The following CACNA1A variants were observed in gnomAD, a reference collection of about 807,000 sequenced individuals.
CACNA1A encodes calcium voltage-gated channel subunit alpha1 A, also known as voltage-dependent P/Q-type calcium channel subunit alpha-1A.
In CACNA1A, 57 loss-of-function variants were observed where a neutral mutation model predicts 262.4. That is an observed-to-expected ratio of 0.22 (90% CI 0.18 to 0.27). The LOEUF is 0.27. Ranked by LOEUF, CACNA1A falls within the 10% of genes least tolerant of loss-of-function variation. The pLI, the probability that CACNA1A is intolerant of heterozygous loss-of-function variation, is 1.00. For missense variants in CACNA1A, 2,526 were observed against 3,562.8 expected, an observed-to-expected ratio of 0.71 and a Z score of 7.41; for synonymous variants, 1,431 against 1,419.3, an observed-to-expected ratio of 1.01 and a Z score of -0.18.
chr19:13,235,855 G>A (rs2055855458), intron 31 of CACNA1A, 125 bp from the exon 32 acceptor site: 1 of 632,912 alleles, frequency 1.6e-6, no homozygotes, highest in African/African-American at 1.8e-5. Flanking sequence ...CCCCAAATAA[G>A]GAGGGAGAGA....
intron 1 of CACNA1A, among the ~76,000 whole-genome samples, chr19:13,493,494 GA>G: frequency 6.6e-6 from 1 of 152,334 alleles, no homozygotes; most frequent in Non-Finnish European, 1.5e-5. Flanking sequence ...CCCCTTGGGG[GA>G]AAAATTGCTC....
intron 6 of CACNA1A, among the ~76,000 whole-genome samples, chr19:13,350,364 G>T (rs1046131789): frequency 2.0e-5 from 3 of 152,140 alleles, no homozygotes; most frequent in Non-Finnish European, 4.4e-5. Context: ...ACTGCGGAAG[G>T]CACTGGCAAG....
At chr19:13,497,330 C>G (rs1311196977) in intron 1 of CACNA1A, among the ~76,000 whole-genome samples, 1 of 149,430 alleles carries the variant, frequency 6.7e-6, no homozygotes, top group African/African-American at 2.5e-5. Context: ...CTTACAGCAG[C>G]ATTGTTCATA....
At chr19:13,474,589 C>T (rs960805208) in intron 1 of CACNA1A, among the ~76,000 whole-genome samples, 31 of 152,240 alleles carry the variant, frequency 2.0e-4, no homozygotes, top group South Asian at 1.0e-3. Flanking sequence ...GAGGCCAAGG[C>T]GGGCGGATCA....
intron 3 of CACNA1A, among the ~76,000 whole-genome samples, chr19:13,381,539 T>C (rs1448351349): frequency 2.0e-5 from 3 of 152,026 alleles, no homozygotes; most frequent in Admixed American, 6.6e-5. Flanking sequence ...TGCAGAGAAA[T>C]AGACATTTGA....
intron 43 of CACNA1A, 76 bp from the exon 44 acceptor site, chr19:13,210,728 G>A (rs2054781447): frequency 2.2e-6 from 3 of 1,353,396 alleles, no homozygotes; most frequent in Non-Finnish European, 3.1e-6. Context: ...AAGAGGGAGA[G>A]TGAGGAGGTG....
chr19:13,249,425 G>A (rs996126065), intron 30 of CACNA1A, among the ~76,000 whole-genome samples: 1 of 151,846 alleles, frequency 6.6e-6, no homozygotes, highest in Non-Finnish European at 1.5e-5. Flanking sequence ...GCTCAATCAC[G>A]ACTCACTGCA....
Position 13,214,744 on chromosome 19 carries a change from G to A in CACNA1A, c.5732-136C>T, listed in dbSNP as rs1023891020. 7 of 691,706 alleles carry A rather than the reference G, an allele frequency of 1.0e-5. No individual in the cohort carries two copies. Among genetic ancestry groups the A allele is most frequent in the African/African-American group, 3.6e-5 (2 of 56,330 alleles). 42.8% of individuals were successfully genotyped at this position (691,706 alleles called of 1,614,324 possible). On this transcript the variant is annotated intron_variant, in intron 38 of 46. Coordinates refer to ENST00000360228, the MANE Select transcript of CACNA1A (RefSeq NM_001127222.2). The surrounding 1 kb of genome is among the most constrained non-coding windows in gnomAD (Gnocchi z 4.1). ...CCCATGGGGTCTCCAGTTCCCCAACGGCCTGGCCCAGAGGAGGCCCTGGGC... is the reference window on the plus strand; with the variant it reads ...CCCATGGGGTCTCCAGTTCCCCAACAGCCTGGCCCAGAGGAGGCCCTGGGC...
chr19:13,373,914 T>C (rs954551123), intron 3 of CACNA1A, among the ~76,000 whole-genome samples: 2 of 152,148 alleles, frequency 1.3e-5, no homozygotes, highest in African/African-American at 2.4e-5. Flanking sequence ...ATGCACACAA[T>C]GAGTGAATCT....
At chr19:13,255,059 G>T in intron 29 of CACNA1A, 36 bp downstream of exon 29, 1 of 1,609,038 alleles carries the variant, frequency 6.2e-7, no homozygotes. Context: ...CGAGGTGGGG[G>T]TTAAGTAGTG....
Position 13,209,365 on chromosome 19 carries a change from C to A in CACNA1A, c.6473G>T (p.Arg2158Leu). 7.2e-7 allele frequency: 1 copy of A among 1,385,464 alleles called. No individual in the cohort carries two copies. Among genetic ancestry groups the A allele is most frequent in the Non-Finnish European group, 9.4e-7 (1 of 1,065,098 alleles). The allele number at this position is 1,385,464 out of a possible 1,614,324, so 85.8% of individuals were successfully genotyped here. Residue 2158 changes from arginine to leucine, a missense_variant, in exon 45 of 47, where the codon CGC becomes CTC. By Grantham distance (102) the Arg-to-Leu change is moderately radical (BLOSUM62 -2). Coordinates refer to ENST00000360228, the MANE Select transcript of CACNA1A (RefSeq NM_001127222.2). ...GGAGCGCTCAGAGGCGCGGTGGCTG[C>A]GGTCGCGGCGCCGCTGGTGGTGCCG... is the stretch of plus-strand genomic sequence containing the variant. ...NQRHHQRRRDRSHRASERSLG... is the reference protein window; with the variant it reads ...NQRHHQRRRDLSHRASERSLG...
chr19:13,486,941 C>T (rs1413850757), intron 1 of CACNA1A, among the ~76,000 whole-genome samples: 1 of 152,152 alleles, frequency 6.6e-6, no homozygotes, highest in African/African-American at 2.4e-5. Context: ...TTTCTTTTAA[C>T]ACTTATTTAT....
At chr19:13,231,674 G>A in intron 35 of CACNA1A, 36 bp downstream of exon 35, 1 of 1,592,826 alleles carries the variant, frequency 6.3e-7, no homozygotes. Context: ...CAGGCTTAGG[G>A]AGCCCAGACG....
chr19:13,427,942 G>GTTTTT (rs1311890494), intron 3 of CACNA1A, among the ~76,000 whole-genome samples: 8 of 151,050 alleles, frequency 5.3e-5, no homozygotes, highest in African/African-American at 2.0e-4. Context: ...ATAATAACAG[G>GTTTTT]TTGTTTTTTT....
chr19:13,359,242 G>T (rs2059060063), intron 6 of CACNA1A, among the ~76,000 whole-genome samples: 1 of 152,156 alleles, frequency 6.6e-6, no homozygotes, highest in African/African-American at 2.4e-5. Flanking sequence ...TGAGCCTCAG[G>T]GCAGGGACCC....
At chr19:13,359,944 C>G (rs544646664) in intron 5 of CACNA1A, 145 bp from the exon 6 acceptor site, 10 of 435,418 alleles carry the variant, frequency 2.3e-5, no homozygotes, top group African/African-American at 1.4e-4. Context: ...CAATGTTTGG[C>G]TTTGGGGGTC....
chr19:13,305,481 G>A (rs1271149953), intron 15 of CACNA1A, among the ~76,000 whole-genome samples: 2 of 152,196 alleles, frequency 1.3e-5, no homozygotes, highest in East Asian at 1.9e-4. Flanking sequence ...TGAGGATAAA[G>A]TAAATGTTAA....
At chr19:13,375,246 C>T (rs376770237) in intron 3 of CACNA1A, among the ~76,000 whole-genome samples, 10 of 152,030 alleles carry the variant, frequency 6.6e-5, no homozygotes, top group East Asian at 5.8e-4. Context: ...CGAACCACAT[C>T]CATAGAAGAT....
rs1465011866 is a variant in CACNA1A, at chr19:13,207,592, G to A, written c.7242C>T (p.Asp2414=). Reference sequence around the variant, plus strand: ...TGCCCGGGCCATCGGCCTCGTCGTAGTCGGAGCCCCGGTAGTAGCCATGGT... The same window carrying A: ...TGCCCGGGCCATCGGCCTCGTCGTAATCGGAGCCCCGGTAGTAGCCATGGT... ...PRHHGYYRGS[D]YDEADGPGSG... is the part of the protein sequence containing the mutation. Residue 2414 remains aspartate, a synonymous_variant, in exon 47 of 47, where the codon GAC becomes GAT. Coordinates refer to ENST00000360228, the MANE Select transcript of CACNA1A (RefSeq NM_001127222.2). The surrounding 1 kb of genome is among the most constrained non-coding windows in gnomAD (Gnocchi z 5.7). The A allele has an allele frequency of 1.3e-6, 2 of 1,481,954 alleles. No homozygotes were observed. The highest frequency in any genetic ancestry group is 2.9e-5 in the East Asian group (1 of 34,122). The allele number at this position is 1,481,954 out of a possible 1,614,324, so 91.8% of individuals were successfully genotyped here. A position where few individuals can be genotyped will look rare whatever the true frequency, so the allele number is the denominator to read the frequency against.
Sources: gnomAD v4.1 joint callset for allele counts (sites outside exome capture counted in the v4.1 genomes callset) on GRCh38, gnomAD v4.1.1 for gene constraint, Gnocchi (gnomAD v3.1) non-coding constraint, MANE v1.5 for transcripts, NCBI Gene and HGNC (gene_info 2026-07-23, HGNC 2026-07-21) for gene names.